Variants in KLF12 observed in about 807,000 individuals in gnomAD.
KLF12 encodes Krueppel-like factor 12.
KLF12 carries 9 observed loss-of-function variants against 37.8 expected under a neutral mutation model. The ratio of observed to expected loss-of-function variants is 0.24; its 90% CI spans 0.14 to 0.42. The LOEUF (loss-of-function observed/expected upper bound fraction) is 0.42. Among genes scored for constraint, KLF12 ranks in the 10% least tolerant of loss-of-function variants. KLF12 has a pLI of 1.00. For missense variants in KLF12, 411 were observed against 516.0 expected (o/e 0.80, Z 1.97); for synonymous variants, 208 against 202.1 (o/e 1.03, Z -0.25).
intron 6 of KLF12, among the ~76,000 whole-genome samples, chr13:73,753,181 T>C (rs1337107388): frequency 6.6e-6 from 1 of 152,164 alleles, no homozygotes; most frequent in Non-Finnish European, 1.5e-5. Context: ...GCGGACTACA[T>C]GTTTCTGCTC....
the KLF12 span, among the ~76,000 whole-genome samples, chr13:74,241,733 C>T: frequency 1.4e-4 from 21 of 152,228 alleles, no homozygotes; most frequent in African/African-American, 5.1e-4. Context: ...TCCGTCACCC[C>T]TTTCTTTGAC....
chr13:74,043,157 G>A (rs559459695), intron 1 of KLF12, among the ~76,000 whole-genome samples: 3 of 152,262 alleles, frequency 2.0e-5, no homozygotes, highest in East Asian at 1.9e-4. Flanking sequence ...ATGAAATAAG[G>A]GTCTAGCACT....
chr13:73,901,291 C>G (rs1368110029), intron 3 of KLF12, among the ~76,000 whole-genome samples: 4 of 151,090 alleles, frequency 2.6e-5, no homozygotes, highest in African/African-American at 9.9e-5. Context: ...AAGTAGTCCA[C>G]CCACATTCAA....
the KLF12 span, among the ~76,000 whole-genome samples, chr13:74,193,420 C>G: frequency 6.6e-6 from 1 of 152,258 alleles, no homozygotes; most frequent in Non-Finnish European, 1.5e-5. Context: ...CCAATGAGTT[C>G]CAGGCACTAG....
chr13:74,210,393 C>T, the KLF12 span, among the ~76,000 whole-genome samples: 1 of 152,006 alleles, frequency 6.6e-6, no homozygotes, highest in Non-Finnish European at 1.5e-5. Context: ...TGCTTTTTGC[C>T]CTGCAACTGC....
intron 7 of KLF12, among the ~76,000 whole-genome samples, chr13:73,712,332 C>T (rs2137659151): frequency 8.6e-6 from 1 of 116,552 alleles, no homozygotes; most frequent in South Asian, 3.4e-4. Context: ...GAGCGAAACT[C>T]CATGTCAAAA....
intron 1 of KLF12, among the ~76,000 whole-genome samples, chr13:74,037,203 C>CAAAAA (rs200460958): frequency 1.4e-5 from 1 of 69,766 alleles, no homozygotes; most frequent in African/African-American, 5.1e-5. Context: ...ACTCCGTCTC[C>CAAAAA]AAAAAAAAAA....
intron 1 of KLF12, among the ~76,000 whole-genome samples, chr13:74,095,906 A>G (rs928692813): frequency 1.4e-4 from 22 of 152,260 alleles, no homozygotes; most frequent in African/African-American, 5.3e-4. Context: ...CAATAACATC[A>G]AGGACCCAAC....
intron 6 of KLF12, among the ~76,000 whole-genome samples, chr13:73,716,254 T>C (rs1449696973): frequency 6.6e-6 from 1 of 152,222 alleles, no homozygotes; most frequent in South Asian, 2.1e-4. Flanking sequence ...GATTAGTTTA[T>C]AATGTCAGGT....
At chr13:74,172,142 G>GAGACACACACAC in the KLF12 span, among the ~76,000 whole-genome samples, 1 of 145,960 alleles carries the variant, frequency 6.9e-6, no homozygotes, top group African/African-American at 2.5e-5. Flanking sequence ...TTTTCCTCAC[G>GAGACACACACAC]ACACACACAC....
At chr13:73,877,677 C>T (rs1886781559) in intron 3 of KLF12, among the ~76,000 whole-genome samples, 1 of 152,152 alleles carries the variant, frequency 6.6e-6, no homozygotes, top group African/African-American at 2.4e-5. Context: ...CTCCATACTG[C>T]TGGAAGTAGC....
chr13:74,097,617 T>C (rs1194860068), intron 1 of KLF12, among the ~76,000 whole-genome samples: 1 of 152,070 alleles, frequency 6.6e-6, no homozygotes, highest in Non-Finnish European at 1.5e-5. Context: ...GAGACCATCA[T>C]CTCAATATTT....
At chr13:73,835,410 T>C (rs1884379683) in intron 4 of KLF12, among the ~76,000 whole-genome samples, 1 of 152,016 alleles carries the variant, frequency 6.6e-6, no homozygotes, top group Admixed American at 6.6e-5. Flanking sequence ...CTGGAAAAGG[T>C]GATTTGGTTG....
At chr13:73,775,998 A>G (rs1190532540) in intron 5 of KLF12, among the ~76,000 whole-genome samples, 1 of 152,230 alleles carries the variant, frequency 6.6e-6, no homozygotes, top group Non-Finnish European at 1.5e-5. Context: ...AAAGTGGCAT[A>G]AACTAGATTC....
At chr13:74,164,124 C>T in the KLF12 span, among the ~76,000 whole-genome samples, 1 of 152,014 alleles carries the variant, frequency 6.6e-6, no homozygotes, top group East Asian at 1.9e-4. Flanking sequence ...GTGGAAAAAC[C>T]TTTGGTTTGA....
the KLF12 span, among the ~76,000 whole-genome samples, chr13:74,147,607 G>A: frequency 6.6e-6 from 1 of 152,102 alleles, no homozygotes; most frequent in Non-Finnish European, 1.5e-5. Context: ...CTTACGTACC[G>A]CCCAGAACTC....
chr13:73,982,599 T>A (rs1345197918), intron 2 of KLF12, among the ~76,000 whole-genome samples: 2 of 152,280 alleles, frequency 1.3e-5, no homozygotes, highest in Non-Finnish European at 1.5e-5. Flanking sequence ...ATTGTTGGGT[T>A]ATCACAAATG....
chr13:74,269,802 C>T, the KLF12 span, among the ~76,000 whole-genome samples: 102 of 152,126 alleles, frequency 6.7e-4, no homozygotes, highest in Admixed American at 2.2e-3. Context: ...AGTGTGTGTG[C>T]GTGATCTAAA....
intron 6 of KLF12, among the ~76,000 whole-genome samples, chr13:73,717,455 T>C (rs919147733): frequency 1.3e-5 from 2 of 152,238 alleles, no homozygotes; most frequent in African/African-American, 4.8e-5. Flanking sequence ...CTACTTGTAA[T>C]TTGCACTTTC....
Sources: allele counts gnomAD v4.1 joint callset (sites outside exome capture counted in the v4.1 genomes callset), GRCh38; gene constraint gnomAD v4.1.1; transcripts MANE v1.5; gene names NCBI Gene and HGNC (gene_info 2026-07-23, HGNC 2026-07-21).